Variants in AOX1 observed in about 807,000 individuals in gnomAD.
The protein encoded by AOX1 is aldehyde oxidase 1, also known as aldehyde oxidase.
In AOX1, 153 loss-of-function variants were observed where a neutral mutation model predicts 169.5. The observed-to-expected ratio is 0.90, with a 90% CI of 0.79 to 1.03. AOX1 has a LOEUF of 1.03. AOX1 is among the 50% of genes least tolerant of loss of function. The pLI, the probability that AOX1 is intolerant of heterozygous loss-of-function variation, is 0.00. For synonymous variants in AOX1, 562 were observed against 581.9 expected (o/e 0.97, Z 0.49); for missense variants, 1,656 against 1,663.9 (o/e 1.00, Z 0.08).
intron 20 of AOX1, among the ~76,000 whole-genome samples, chr2:200,633,963 A>G (rs1023426922): frequency 7.9e-5 from 12 of 152,260 alleles, no homozygotes; most frequent in East Asian, 3.9e-4. Context: ...CAGCACCCCA[A>G]TAGAGAGGCT....
intron 34 of AOX1, 96 bp downstream of exon 34, chr2:200,669,838 C>A: frequency 7.5e-7 from 1 of 1,325,414 alleles, no homozygotes; most frequent in Non-Finnish European, 1.0e-6. Flanking sequence ...ACTGCTGTGG[C>A]TTTTCTTGCC....
At chr2:200,599,793 T>C in intron 5 of AOX1, 47 bp downstream of exon 5, 1 of 1,341,142 alleles carries the variant, frequency 7.5e-7, no homozygotes, top group Non-Finnish European at 9.6e-7. Flanking sequence ...TATTTATTTA[T>C]TTATTTTTTG....
intron 1 of AOX1, among the ~76,000 whole-genome samples, chr2:200,590,863 G>A (rs1418588040): frequency 9.9e-5 from 15 of 152,140 alleles, no homozygotes; most frequent in Admixed American, 2.6e-4. Flanking sequence ...TGAGACCCAC[G>A]TTTCTTCTCT....
chr2:200,658,235 C>A (rs542147446), intron 27 of AOX1, among the ~76,000 whole-genome samples: 1 of 152,300 alleles, frequency 6.6e-6, no homozygotes, highest in African/African-American at 2.4e-5. Context: ...CATGACACCC[C>A]TAACCAACAG....
chr2:200,598,426 C>G (rs987352654), intron 4 of AOX1, among the ~76,000 whole-genome samples: 1 of 152,058 alleles, frequency 6.6e-6, no homozygotes, highest in Non-Finnish European at 1.5e-5. Flanking sequence ...ACACCTGAGT[C>G]TTTATGTATA....
At chr2:200,618,474 GTCA>G (rs1264071916) in intron 16 of AOX1, among the ~76,000 whole-genome samples, 1 of 152,134 alleles carries the variant, frequency 6.6e-6, no homozygotes, top group Non-Finnish European at 1.5e-5. Flanking sequence ...GTGCATAGTT[GTCA>G]GCCACAATTT....
chr2:200,655,129 C>A (rs2035656640), intron 26 of AOX1, among the ~76,000 whole-genome samples: 1 of 152,184 alleles, frequency 6.6e-6, no homozygotes, highest in Admixed American at 6.5e-5. Flanking sequence ...GATTAAGAAA[C>A]AGATTGCATG....
At chr2:200,650,252 TC>T (rs2035554285) in intron 25 of AOX1, among the ~76,000 whole-genome samples, 1 of 152,068 alleles carries the variant, frequency 6.6e-6, no homozygotes, top group Non-Finnish European at 1.5e-5. Flanking sequence ...AACACCACTT[TC>T]CCCCAAATGA....
chr2:200,666,768 G>A lies in AOX1; in HGVS notation c.3609+16G>A. On this transcript the variant is annotated intron_variant, in intron 32 of 34. Coordinates refer to ENST00000374700, the MANE Select transcript of AOX1 (RefSeq NM_001159.4). ...CATAGGCCAGGTACGTGTAACTGAT[G>A]TGTCTCACTTTCTATTTGTAAAAGC... The A allele has an allele frequency of 6.2e-7, 1 of 1,600,034 alleles. No individual in the cohort carries two copies. Among genetic ancestry groups the A allele is most frequent in the South Asian group, 1.1e-5 (1 of 88,884 alleles).
rs765938790 is a variant in AOX1 at position 200,642,694 on chromosome 2, C to T, written c.2740C>T (p.Leu914Phe). Residue 914 changes from leucine to phenylalanine, a missense_variant, in exon 25 of 35, where the codon CTT (leucine) becomes TTT (phenylalanine). Physicochemically the swap from Leu to Phe is conservative, Grantham distance 22. Transcript: ENST00000374700. ...CCGGGGTTGGGCATGCAGAACCAAC[C>T]TTCCATCCAACACAGCTTTTCGTGG... Reference protein sequence around the residue: ...RCRGWACRTNLPSNTAFRGFG... With the variant: ...RCRGWACRTNFPSNTAFRGFG... The T allele has an allele frequency of 4.3e-6, 7 of 1,614,044 alleles. No homozygotes were observed. The South Asian group carries it at 7.7e-5, about 18-fold the overall frequency.
At chr2:200,669,532 TGAGA>T (rs753310938) in intron 33 of AOX1, 39 bp from the exon 34 acceptor site, 10 of 1,598,024 alleles carry the variant, frequency 6.3e-6, no homozygotes, top group South Asian at 1.1e-5. Context: ...ATATACAGAG[TGAGA>T]GAGAGAGGTA....
At chr2:200,639,603 A>G (rs2035311045) in intron 23 of AOX1, among the ~76,000 whole-genome samples, 1 of 152,242 alleles carries the variant, frequency 6.6e-6, no homozygotes, top group Admixed American at 6.5e-5. Context: ...AGTAAACTTC[A>G]TCCTGAAGGA....
At chr2:200,643,402 T>C (rs1350306847) in intron 25 of AOX1, among the ~76,000 whole-genome samples, 26 of 143,396 alleles carry the variant, frequency 1.8e-4, no homozygotes, top group East Asian at 4.0e-4. Context: ...CACACACATA[T>C]ATATATATAT....
At chr2:200,638,447 G>A in intron 23 of AOX1, 145 bp downstream of exon 23, 2 of 677,864 alleles carry the variant, frequency 3.0e-6, no homozygotes, top group Non-Finnish European at 5.0e-6. Context: ...TCTATTGGTT[G>A]CACTGACTTT....
chr2:200,634,087 A>G (rs1391402013), intron 20 of AOX1, among the ~76,000 whole-genome samples: 2 of 137,458 alleles, frequency 1.5e-5, no homozygotes, highest in African/African-American at 5.5e-5. Context: ...TAGAGTGCTT[A>G]TTGTCTTAAT....
At chr2:200,614,926 G>A (rs1040679547) in intron 15 of AOX1, among the ~76,000 whole-genome samples, 1 of 152,148 alleles carries the variant, frequency 6.6e-6, no homozygotes, top group South Asian at 2.1e-4. Flanking sequence ...ATTTCTGGGT[G>A]ACTCAAGCGA....
downstream of AOX1, among the ~76,000 whole-genome samples, chr2:200,673,710 T>C (rs1188828299): frequency 1.3e-5 from 2 of 152,214 alleles, no homozygotes; most frequent in African/African-American, 4.8e-5. Flanking sequence ...ACCCTTCAAT[T>C]GCTTCCTATT....
At chr2:200,643,924 G>A (rs186409857) in intron 25 of AOX1, among the ~76,000 whole-genome samples, 39 of 150,856 alleles carry the variant, frequency 2.6e-4, no homozygotes, top group Admixed American at 1.5e-3. Context: ...TTTTCTTACT[G>A]ATTTGTTTGA....
Position 200,652,619 on chromosome 2 carries a change from G to A in AOX1, c.3075+1418G>A, listed in dbSNP as rs138080121. On this transcript the variant is annotated intron_variant, in intron 26 of 34. Coordinates refer to ENST00000374700, the MANE Select transcript of AOX1 (RefSeq NM_001159.4). Reference sequence around the variant, plus strand: ...ATCATCAGGAAAAACAGCCTCCATTGTTCATGGATCCTCTGGAAATCCTCT... The same window carrying A: ...ATCATCAGGAAAAACAGCCTCCATTATTCATGGATCCTCTGGAAATCCTCT... Among the ~76,000 whole-genome samples, 350 of 152,280 alleles carry A rather than the reference G, an allele frequency of 2.3e-3. 2 individuals are homozygous for A. Among genetic ancestry groups the A allele is most frequent in the African/African-American group, 7.9e-3 (327 of 41,570 alleles).
Sources: allele counts gnomAD v4.1 joint callset (sites outside exome capture counted in the v4.1 genomes callset), GRCh38; gene constraint gnomAD v4.1.1; transcripts MANE v1.5; gene names NCBI Gene and HGNC (gene_info 2026-07-23, HGNC 2026-07-21).